RINT1: variants seen among roughly 807,000 people sequenced by gnomAD.
RINT1 encodes RAD50 interactor 1.
A neutral mutation model predicts 97.7 loss-of-function variants in RINT1; 75 were observed. The ratio of observed to expected loss-of-function variants is 0.77; its 90% confidence interval spans 0.64 to 0.93. The LOEUF is 0.93. Ranked by LOEUF, RINT1 falls within the 40% of genes least tolerant of loss-of-function variation. The pLI is 0.00. For missense variants in RINT1, 892 were observed against 925.2 expected (o/e 0.96, Z 0.47); for synonymous variants, 303 against 326.3 (o/e 0.93, Z 0.77).
In RINT1 at chr7:105,565,530, A is replaced by G. The variant is rs200446656; in HGVS notation, c.2068A>G (p.Ile690Val). The G allele has an allele frequency of 6.9e-5, 111 of 1,613,006 alleles. No homozygotes were observed. The highest frequency in any genetic ancestry group is 4.9e-4 in the East Asian group (22 of 44,862). Residue 690 changes from isoleucine to valine, a missense_variant and splice_region_variant, in exon 14 of 15, where the codon ATA (isoleucine) becomes GTA (valine). By Grantham distance (29) the Ile-to-Val change is conservative. Coordinates refer to ENST00000257700, the MANE Select transcript of RINT1 (RefSeq NM_021930.6). ...EKLDVYIYQE[I>V]ILANHFNEGG... Reference sequence around the variant, plus strand: ...TTATATGAATTATTCTTTGTTTCAGATAATTCTTGCTAATCACTTCAATGA... The same window carrying G: ...TTATATGAATTATTCTTTGTTTCAGGTAATTCTTGCTAATCACTTCAATGA...
Position 105,535,582 on chromosome 7 carries a change from T to C in RINT1, c.89-983T>C, listed in dbSNP as rs769109032. 3.3e-5 allele frequency: 15 copies of C among 454,864 alleles called. No individual in the cohort carries two copies. The East Asian group carries it at 9.0e-4, about 27-fold the overall frequency. 28.2% of individuals were successfully genotyped at this position (454,864 alleles called of 1,614,324 possible). A position where few individuals can be genotyped will look rare whatever the true frequency, so the allele number is the denominator to read the frequency against. ...TTGTTTGTTTTTAAGAGATGAGGTC[T>C]TGCTCTGCTGTCCAGGCTGGAATGT... is the stretch of plus-strand genomic sequence containing the variant. On this transcript the variant is annotated intron_variant, in intron 2 of 14. Coordinates refer to ENST00000257700, the MANE Select transcript of RINT1 (RefSeq NM_021930.6).
At chr7:105,566,975 G>A (rs1237930325) in intron 14 of RINT1, 144 bp from the exon 15 acceptor site, 6 of 464,788 alleles carry the variant, frequency 1.3e-5, no homozygotes, top group Non-Finnish European at 2.2e-5. Context: ...CATGTTAAAA[G>A]AACCAAATAA....
chr7:105,554,147 C>T (rs112331902), intron 10 of RINT1, among the ~76,000 whole-genome samples: 20,510 of 151,866 alleles, frequency 0.14, 1,678 homozygotes, highest in South Asian at 0.23. Flanking sequence ...ATCCACCCGC[C>T]TCAGCCTCCC....
At chr7:105,534,445 C>T (rs1728651) in intron 2 of RINT1, among the ~76,000 whole-genome samples, 1 of 151,896 alleles carries the variant, frequency 6.6e-6, no homozygotes. Context: ...CAAAACATTT[C>T]CTGCCTCCAT....
intron 12 of RINT1, among the ~76,000 whole-genome samples, chr7:105,564,380 C>A (rs1172183058): frequency 6.6e-6 from 1 of 152,190 alleles, no homozygotes; most frequent in Non-Finnish European, 1.5e-5. Context: ...AGCCACCACA[C>A]CTGGCTGACA....
intron 11 of RINT1, among the ~76,000 whole-genome samples, chr7:105,561,420 C>T (rs995253117): frequency 2.6e-5 from 4 of 151,748 alleles, no homozygotes; most frequent in Admixed American, 6.6e-5. Context: ...CCCAGCTACT[C>T]GGGAGGCTGA....
At position 105,532,302 on chromosome 7, in the gene RINT1, C is replaced by T. The variant is rs1488057272; in HGVS notation, c.-14C>T. 2 of 1,576,800 alleles carry T rather than the reference C, an allele frequency of 1.3e-6. No homozygotes were observed. Among genetic ancestry groups the T allele is most frequent in the South Asian group, 2.3e-5 (2 of 86,412 alleles). The stretch of plus-strand genomic sequence containing the variant: ...CTGGCTGCGAATGGAGCCGAGGACT[C>T]GCGCGGAGGCGAGATGCTACCAGCC... On this transcript the variant is annotated 5_prime_UTR_variant, in exon 1 of 15. Coordinates refer to ENST00000257700, the MANE Select transcript of RINT1 (RefSeq NM_021930.6).
At chr7:105,560,006 T>C (rs1296328801) in intron 11 of RINT1, among the ~76,000 whole-genome samples, 1 of 152,186 alleles carries the variant, frequency 6.6e-6, no homozygotes, top group Non-Finnish European at 1.5e-5. Context: ...GATATGAAAT[T>C]CAAACTGGCC....
Position 105,565,277 on chromosome 7 carries a change from A to G in RINT1, c.1887A>G (p.Arg629=). 1 of 1,562,244 alleles carries G rather than the reference A, an allele frequency of 6.4e-7. No homozygotes were observed. The highest frequency in any genetic ancestry group is 8.7e-7 in the Non-Finnish European group (1 of 1,154,184). The change falls in exon 13 of 15, where the codon AGA becomes AGG. Residue 629 remains arginine, a splice_region_variant and synonymous_variant. Coordinates refer to ENST00000257700, the MANE Select transcript of RINT1 (RefSeq NM_021930.6). ...TTTGGTAAAAATGTGTTTTTTCCAG[A>G]TGGTTGTCCTTGCCATCTCAGTCAG... ...KDAAKLYKKE[R]WLSLPSQSEQ... is the part of the protein sequence containing the mutation.
chr7:105,554,209 A>G (rs1791072823), intron 10 of RINT1, among the ~76,000 whole-genome samples: 1 of 150,958 alleles, frequency 6.6e-6, no homozygotes, highest in Admixed American at 6.6e-5. Context: ...ATTTTTTTGT[A>G]TTTCTAGTAG....
chr7:105,536,699 G>C lies in RINT1; in HGVS notation c.223G>C (p.Asp75His), dbSNP rs1790250861. The C allele has an allele frequency of 6.2e-7, 1 of 1,612,202 alleles. No homozygotes were observed. Among genetic ancestry groups the C allele is most frequent in the Admixed American group, 1.7e-5 (1 of 59,768 alleles). Reference protein sequence around the residue: ...GNDLKSLKKLDKLIEQRTVSK... With the variant: ...GNDLKSLKKLHKLIEQRTVSK... ...TGACCTTAAATCTTTAAAGAAACTT[G>C]ATAAACTCATAGAACAGAGGACAGT... The change falls in exon 3 of 15, where the codon GAT becomes CAT. Residue 75 changes from aspartate (D) to histidine (H), a missense_variant. Asp to His is a moderately conservative substitution (Grantham distance 81, BLOSUM62 -1). Coordinates refer to ENST00000257700, the MANE Select transcript of RINT1 (RefSeq NM_021930.6).
Position 105,563,946 on chromosome 7 carries a change from A to G in RINT1, c.1885A>G (p.Arg629Gly). The change falls in exon 12 of 15, where the codon AGA (arginine) becomes GGA (glycine). Residue 629 changes from arginine to glycine, a missense_variant and splice_region_variant. Arg to Gly is a moderately radical substitution (Grantham distance 125, BLOSUM62 -2). Coordinates refer to ENST00000257700, the MANE Select transcript of RINT1 (RefSeq NM_021930.6). ...KDAAKLYKKE[R>G]WLSLPSQSEQ... ...TGCTGCAAAATTGTATAAAAAAGAA[A>G]GGTATGTCCTCTATGTAAGTCAGCT... 1.2e-6 allele frequency: 2 copies of G among 1,610,048 alleles called. No homozygotes were observed. Among genetic ancestry groups the G allele is most frequent in the Non-Finnish European group, 1.7e-6 (2 of 1,176,460 alleles).
intron 12 of RINT1, among the ~76,000 whole-genome samples, chr7:105,564,634 TG>T (rs1212317100): frequency 6.6e-6 from 1 of 152,094 alleles, no homozygotes; most frequent in Non-Finnish European, 1.5e-5. Context: ...CCACACAGAG[TG>T]CTTAAAATTC....
chr7:105,553,787 C>T (rs1791042977), intron 10 of RINT1, among the ~76,000 whole-genome samples: 1 of 150,270 alleles, frequency 6.7e-6, no homozygotes, highest in Non-Finnish European at 1.5e-5. Context: ...GTGGCGCAAT[C>T]TCGGCTCACT....
At chr7:105,554,565 A>G (rs545227576) in intron 10 of RINT1, among the ~76,000 whole-genome samples, 106 of 151,900 alleles carry the variant, frequency 7.0e-4, no homozygotes, top group African/African-American at 2.3e-3. Context: ...CAGACTCCCA[A>G]GTAGCTGGGA....
At chr7:105,537,666 C>A (rs1200689018) in intron 3 of RINT1, among the ~76,000 whole-genome samples, 1 of 151,350 alleles carries the variant, frequency 6.6e-6, no homozygotes, top group Non-Finnish European at 1.5e-5. Context: ...CCCGACTCTA[C>A]TAAAAATACA....
In RINT1 at chr7:105,536,584, T is replaced by A. The variant is rs1013150748; in HGVS notation, c.108T>A (p.Val36=). 3.1e-6 allele frequency: 5 copies of A among 1,600,612 alleles called. 1 individual carries two copies. The highest frequency in any genetic ancestry group is 3.5e-5 in the Admixed American group (2 of 57,514). The part of the protein sequence containing the change: ...LEEKSDINVT[V]LIGSKQVSEG... ...TTGTAGGTGACATAAATGTTACAGT[T>A]CTTATTGGAAGTAAACAAGTCAGTG... is the stretch of plus-strand genomic sequence containing the variant. Residue 36 remains valine, a synonymous_variant, in exon 3 of 15, where the codon GTT becomes GTA. Transcript: ENST00000257700.
chr7:105,560,281 T>TA (rs1411543142), intron 11 of RINT1, among the ~76,000 whole-genome samples: 1 of 152,168 alleles, frequency 6.6e-6, no homozygotes, highest in African/African-American at 2.4e-5. Context: ...GGCATGGTAT[T>TA]ACCAAGTTAT....
chr7:105,542,860 A>G (rs1044905623), intron 4 of RINT1, among the ~76,000 whole-genome samples: 1 of 152,000 alleles, frequency 6.6e-6, no homozygotes. Context: ...AGCATTTGAA[A>G]GAAGGTAATG....
Sources: gnomAD v4.1 joint callset for allele counts (sites outside exome capture counted in the v4.1 genomes callset) on GRCh38, gnomAD v4.1.1 for gene constraint, MANE v1.5 for transcripts, NCBI Gene and HGNC (gene_info 2026-07-23, HGNC 2026-07-21) for gene names.